The following MICOS10 variants were observed in gnomAD, a reference collection of about 807,000 sequenced individuals.
The protein encoded by MICOS10 is mitochondrial contact site and cristae organizing system subunit 10, also known as MICOS complex subunit MIC10.
In MICOS10, 5 loss-of-function variants were observed where a neutral mutation model predicts 13.4. That is an observed-to-expected ratio of 0.37 (90% CI 0.20 to 0.78). MICOS10 has a LOEUF of 0.78. MICOS10 is among the 30% of genes least tolerant of loss of function. The pLI is 0.47. For missense variants in MICOS10, 101 were observed against 94.6 expected (o/e 1.07, Z -0.28); for synonymous variants, 35 against 33.6 (o/e 1.04, Z -0.15).
At position 19,600,918 on chromosome 1, in the gene MICOS10, A is replaced by G. The variant is rs3762386; in HGVS notation, c.64+3809A>G. The G allele has an allele frequency of 7.8e-6, 10 of 1,289,288 alleles. No individual in the cohort carries two copies. The East Asian group carries it at 5.0e-4, about 64-fold the overall frequency. The allele number at this position is 1,289,288 out of a possible 1,614,324, so 79.9% of individuals were successfully genotyped here. ...ACCTGGTCCATCTTGATAATTTCAT[A>G]CTCTGGCTTGGCAAAGACTGAAGGG... On this transcript the variant is annotated intron_variant, in intron 1 of 3. Coordinates refer to ENST00000322753, the MANE Select transcript of MICOS10 (RefSeq NM_001032363.4).
At chr1:19,611,616 G>A (rs1048818342) in intron 1 of MICOS10, among the ~76,000 whole-genome samples, 3 of 151,690 alleles carry the variant, frequency 2.0e-5, no homozygotes, top group African/African-American at 7.3e-5. Context: ...GGAATTACAG[G>A]TGTGAGCCAC....
chr1:19,608,040 A>G (rs1469627831), intron 1 of MICOS10: 4 of 726,466 alleles, frequency 5.5e-6, no homozygotes, highest in Non-Finnish European at 1.0e-5. Flanking sequence ...AGGGTCGTAG[A>G]CCTAAATATA....
rs553620293 is a variant in MICOS10 at position 19,627,539 on chromosome 1, G to A, written c.*1138G>A. On this transcript the variant is annotated 3_prime_UTR_variant, in exon 4 of 4. Transcript: ENST00000322753. ...AAGAGAGGTGTAGGCAAAGTACACT[G>A]AGAACAAAGGAGAAGGAGCAACTAT... 1 of 152,334 alleles carries A rather than the reference G, an allele frequency of 6.6e-6. No homozygotes were observed. The highest frequency in any genetic ancestry group is 2.4e-5 in the African/African-American group (1 of 41,570). 9.4% of individuals were successfully genotyped at this position (152,334 alleles called of 1,614,324 possible).
intron 1 of MICOS10, chr1:19,601,053 G>T: frequency 7.9e-7 from 1 of 1,259,572 alleles, no homozygotes; most frequent in Non-Finnish European, 1.0e-6. Context: ...CCACCTGTTT[G>T]CTGTACGATG....
rs1341908280 is a variant in MICOS10, at chr1:19,628,089, A to G, written c.*1688A>G. The G allele has an allele frequency of 6.7e-6, 1 of 148,540 alleles. No individual in the cohort carries two copies. The highest frequency in any genetic ancestry group is 1.5e-5 in the Non-Finnish European group (1 of 68,000). The allele number at this position is 148,540 out of a possible 1,614,324, so 9.2% of individuals were successfully genotyped here. A position where few individuals can be genotyped will look rare whatever the true frequency, so the allele number is the denominator to read the frequency against. ...TTGTTTTCTTACTATTTATTTATTTATTTCTGAGATGGAATTTTGCTCTTG... is the reference window on the plus strand; with the variant it reads ...TTGTTTTCTTACTATTTATTTATTTGTTTCTGAGATGGAATTTTGCTCTTG... On this transcript the variant is annotated 3_prime_UTR_variant, in exon 4 of 4. Transcript: ENST00000322753.
intron 3 of MICOS10, among the ~76,000 whole-genome samples, chr1:19,624,964 G>C (rs2094916990): frequency 1.3e-5 from 2 of 152,192 alleles, no homozygotes; most frequent in African/African-American, 4.8e-5. Flanking sequence ...CAGCTTTCCA[G>C]GTTACTCTTG....
chr1:19,615,957 G>A (rs959599935), intron 1 of MICOS10, among the ~76,000 whole-genome samples: 3 of 150,902 alleles, frequency 2.0e-5, no homozygotes, highest in African/African-American at 4.9e-5. Context: ...TTGCTCTGTC[G>A]CCCAGGCTGG....
At chr1:19,605,506 T>C (rs1456002554) in intron 1 of MICOS10, among the ~76,000 whole-genome samples, 1 of 152,228 alleles carries the variant, frequency 6.6e-6, no homozygotes, top group East Asian at 1.9e-4. Flanking sequence ...AAGAGTTATA[T>C]AATATGTAGT....
chr1:19,622,404 A>G (rs1468701701), intron 2 of MICOS10, among the ~76,000 whole-genome samples: 3 of 152,210 alleles, frequency 2.0e-5, no homozygotes, highest in Non-Finnish European at 4.4e-5. Context: ...TATCATTGCA[A>G]AAGCCTGTAC....
Position 19,616,616 on chromosome 1 carries a change from AAATTAACC to A in MICOS10, c.65-5482_65-5475del, listed in dbSNP as rs2094885365. 2.6e-5 allele frequency among the ~76,000 whole-genome samples: 4 copies of A among 152,286 alleles called. No homozygotes were observed. In the South Asian group the frequency reaches 8.3e-4, roughly 32 times the overall value. Reference sequence around the variant, plus strand: ...AGGGGCTGCAGAGTAACATAGTCATAAATTAACCATGGATAGTGTTAAAATCCAGAAAA... The same window carrying A: ...AGGGGCTGCAGAGTAACATAGTCATAATGGATAGTGTTAAAATCCAGAAAA... On this transcript the variant is annotated intron_variant, in intron 1 of 3. Transcript: ENST00000322753.
intron 1 of MICOS10, chr1:19,614,627 C>T (rs2094876957): frequency 6.6e-6 from 1 of 152,398 alleles, no homozygotes; most frequent in African/African-American, 2.4e-5. Context: ...ACCACTCACT[C>T]TCTTAATCAA....
intron 3 of MICOS10, 140 bp downstream of exon 3, chr1:19,623,723 G>A: frequency 3.2e-6 from 2 of 621,542 alleles, no homozygotes; most frequent in Non-Finnish European, 5.6e-6. Context: ...TTGCTCTTTG[G>A]CCTTCAGTGA....
chr1:19,622,920 CTTT>C (rs373297142), intron 2 of MICOS10, among the ~76,000 whole-genome samples: 76 of 131,880 alleles, frequency 5.8e-4, no homozygotes, highest in East Asian at 1.7e-3. Context: ...TATTTTACTA[CTTT>C]TTTTTTTTTT....
Position 19,597,199 on chromosome 1 carries a change from C to T in MICOS10, c.64+90C>T, listed in dbSNP as rs1335895737. Reference sequence around the variant, plus strand: ...CCAGGAGGAAGGAAGGGAAGCCCCACGGGAGGTCAGGCCTCTCGGCCTTTT... The same window carrying T: ...CCAGGAGGAAGGAAGGGAAGCCCCATGGGAGGTCAGGCCTCTCGGCCTTTT... On this transcript the variant is annotated intron_variant, in intron 1 of 3. Transcript: ENST00000322753. The T allele has an allele frequency of 2.8e-5, 39 of 1,394,788 alleles. No homozygotes were observed. In the South Asian group the frequency reaches 3.7e-4, roughly 13 times the overall value. 86.4% of individuals were successfully genotyped at this position (1,394,788 alleles called of 1,614,324 possible).
chr1:19,602,101 T>G (rs1006993144), intron 1 of MICOS10, among the ~76,000 whole-genome samples: 1 of 152,260 alleles, frequency 6.6e-6, no homozygotes, highest in African/African-American at 2.4e-5. Flanking sequence ...GTTTCTTTAC[T>G]TGATTGTTTC....
intron 1 of MICOS10, among the ~76,000 whole-genome samples, chr1:19,605,884 T>C (rs947017867): frequency 2.6e-5 from 4 of 152,132 alleles, no homozygotes; most frequent in South Asian, 4.1e-4. Context: ...TGTTTTCATC[T>C]CTCTTGGATA....
At chr1:19,605,914 G>A (rs894788140) in intron 1 of MICOS10, among the ~76,000 whole-genome samples, 8 of 152,148 alleles carry the variant, frequency 5.3e-5, no homozygotes, top group African/African-American at 1.7e-4. Flanking sequence ...GAGTGGAATT[G>A]CTTGGTTGTG....
intron 1 of MICOS10, among the ~76,000 whole-genome samples, chr1:19,607,008 C>T (rs1479956912): frequency 6.6e-6 from 1 of 152,234 alleles, no homozygotes; most frequent in Non-Finnish European, 1.5e-5. Context: ...TGGTGGCTCA[C>T]CAAAAATTGC....
At chr1:19,601,097 T>G in intron 1 of MICOS10, 1 of 1,018,030 alleles carries the variant, frequency 9.8e-7, no homozygotes, top group Non-Finnish European at 1.3e-6. Context: ...GCATAGGTGT[T>G]GTATAGCTGA....
Sources: gnomAD v4.1 joint callset for allele counts (sites outside exome capture counted in the v4.1 genomes callset) on GRCh38, gnomAD v4.1.1 for gene constraint, MANE v1.5 for transcripts, NCBI Gene and HGNC (gene_info 2026-07-23, HGNC 2026-07-21) for gene names.